Variants in HS6ST2 observed in about 807,000 individuals in gnomAD.
The protein encoded by HS6ST2 is heparan sulfate 6-O-sulfotransferase 2, also known as heparan-sulfate 6-O-sulfotransferase 2.
Under a neutral mutation model 33.0 loss-of-function variants are expected in HS6ST2, and 17 were observed. The ratio of observed to expected loss-of-function variants is 0.52; its 90% CI spans 0.35 to 0.77. The LOEUF is 0.77. Ranked by LOEUF, HS6ST2 falls within the 30% of genes least tolerant of loss-of-function variation. The probability of loss-of-function intolerance (pLI) is 0.01; values close to 1 mark genes in which losing one functional copy is unlikely to be tolerated. For missense variants in HS6ST2, 519 were observed against 551.7 expected, an observed-to-expected ratio of 0.94 and a Z score of 0.59; for synonymous variants, 248 against 237.1, an observed-to-expected ratio of 1.05 and a Z score of -0.42.
chrX:132,849,876 G>A (rs919696687), intron 2 of HS6ST2, among the ~76,000 whole-genome samples: 2 of 112,205 alleles, frequency 1.8e-5, no homozygotes, highest in Non-Finnish European at 3.8e-5. Context: ...ATAGAAGAGA[G>A]AGGTGCTTTC....
chrX:132,846,707 T>C (rs754911699), intron 2 of HS6ST2, among the ~76,000 whole-genome samples: 1 of 110,797 alleles, frequency 9.0e-6, no homozygotes, highest in Non-Finnish European at 1.9e-5. Flanking sequence ...CTTATGAGTG[T>C]AGATACTTTT....
chrX:132,838,902 G>A (rs1455160912), intron 2 of HS6ST2, among the ~76,000 whole-genome samples: 3 of 107,046 alleles, frequency 2.8e-5, no homozygotes, highest in Non-Finnish European at 5.8e-5. Context: ...TCAGAGAAAT[G>A]CAAATTAAAA....
chrX:132,705,695 G>A (rs1247460308), intron 3 of HS6ST2, among the ~76,000 whole-genome samples: 1 of 111,997 alleles, frequency 8.9e-6, no homozygotes, highest in Non-Finnish European at 1.9e-5. Context: ...CAACAGAGAT[G>A]AACTAAATTA....
intron 2 of HS6ST2, among the ~76,000 whole-genome samples, chrX:132,870,930 T>C (rs1183932345): frequency 9.1e-6 from 1 of 110,375 alleles, no homozygotes; most frequent in Non-Finnish European, 1.9e-5. Context: ...CTAATTAAAC[T>C]AAACAGCTGT....
At chrX:132,945,034 C>G (rs2066933636) in intron 2 of HS6ST2, among the ~76,000 whole-genome samples, 1 of 111,853 alleles carries the variant, frequency 8.9e-6, no homozygotes, top group Non-Finnish European at 1.9e-5. Context: ...AGCGTCTGCA[C>G]AGCAAAAGAA....
intron 2 of HS6ST2, among the ~76,000 whole-genome samples, chrX:132,791,440 T>C (rs2065119144): frequency 8.9e-6 from 1 of 112,200 alleles, no homozygotes; most frequent in Non-Finnish European, 1.9e-5. Context: ...TTCATAATTC[T>C]CATCGCAATA....
chrX:132,890,632 C>G (rs1265157659), intron 2 of HS6ST2, among the ~76,000 whole-genome samples: 1 of 110,056 alleles, frequency 9.1e-6, no homozygotes, highest in Non-Finnish European at 1.9e-5. Context: ...CTCCTGGTGA[C>G]TAATAATTAA....
At chrX:132,882,778 T>C (rs2066192822) in intron 2 of HS6ST2, among the ~76,000 whole-genome samples, 1 of 111,453 alleles carries the variant, frequency 9.0e-6, no homozygotes, top group African/African-American at 3.3e-5. Flanking sequence ...TAAATAGTTC[T>C]TATTATTTTG....
At chrX:132,849,240 C>A (rs2065779847) in intron 2 of HS6ST2, among the ~76,000 whole-genome samples, 1 of 110,926 alleles carries the variant, frequency 9.0e-6, no homozygotes, top group East Asian at 2.8e-4. Flanking sequence ...TCTCCAGTCC[C>A]CCCAATGGCA....
chrX:132,800,082 G>A (rs1026158553), intron 2 of HS6ST2, among the ~76,000 whole-genome samples: 1 of 111,974 alleles, frequency 8.9e-6, no homozygotes, highest in Non-Finnish European at 1.9e-5. Flanking sequence ...CCAACCCTCA[G>A]GCCATGGACC....
At chrX:132,820,181 A>C (rs1379090893) in intron 2 of HS6ST2, among the ~76,000 whole-genome samples, 1 of 101,320 alleles carries the variant, frequency 9.9e-6, no homozygotes, top group Non-Finnish European at 2.0e-5. Flanking sequence ...GAAGGCAAGC[A>C]GACTATGCCC....
At chrX:132,843,422 T>G (rs933386937) in intron 2 of HS6ST2, among the ~76,000 whole-genome samples, 6 of 111,796 alleles carry the variant, frequency 5.4e-5, no homozygotes, top group Non-Finnish European at 1.1e-4. Context: ...GTGTGTGTGT[T>G]TTTTTAAATT....
intron 4 of HS6ST2, among the ~76,000 whole-genome samples, chrX:132,632,381 G>A (rs1388618637): frequency 9.0e-6 from 1 of 111,578 alleles, no homozygotes; most frequent in African/African-American, 3.3e-5. Context: ...GTTGGAAGTA[G>A]GAAGGCAGGT....
intron 2 of HS6ST2, among the ~76,000 whole-genome samples, chrX:132,859,901 G>A (rs1344966505): frequency 1.2e-5 from 1 of 86,508 alleles, no homozygotes; most frequent in Non-Finnish European, 2.2e-5. Flanking sequence ...AATTGGGAGG[G>A]AAAAGAGAAA....
At chrX:132,690,113 G>A (rs2064051008) in intron 3 of HS6ST2, among the ~76,000 whole-genome samples, 1 of 112,207 alleles carries the variant, frequency 8.9e-6, no homozygotes, top group African/African-American at 3.2e-5. Context: ...TGAATGCATG[G>A]CTGTGTTCCA....
At chrX:132,911,888 C>T (rs1052509863) in intron 2 of HS6ST2, among the ~76,000 whole-genome samples, 20 of 111,623 alleles carry the variant, frequency 1.8e-4, no homozygotes, top group South Asian at 3.8e-4. Context: ...CTGCCTGTCT[C>T]GGCCTCCCAA....
At chrX:132,960,950 G>A (rs989817056), upstream of HS6ST2, among the ~76,000 whole-genome samples, 2 of 110,069 alleles carry the variant, frequency 1.8e-5, no homozygotes, top group African/African-American at 3.3e-5. Context: ...TTTTTCCTAC[G>A]TGTGTCCCAA....
At chrX:132,877,773 A>G (rs1450831865) in intron 2 of HS6ST2, among the ~76,000 whole-genome samples, 1 of 111,020 alleles carries the variant, frequency 9.0e-6, no homozygotes, top group Non-Finnish European at 1.9e-5. Flanking sequence ...ATTGAACCCT[A>G]CAATAAGCTA....
rs1314399383 is a variant in HS6ST2 at position 132,830,339 on chromosome X, C to G, written c.948-121845G>C. Among the ~76,000 whole-genome samples the G allele has an allele frequency of 2.7e-5, 3 of 111,284 alleles. No individual in the cohort carries two copies. In the East Asian group the frequency reaches 8.5e-4, roughly 32 times the overall value. The stretch of plus-strand genomic sequence containing the variant: ...GCCTTTGGATTGGATCATACAGGGC[C>G]CACTAGGATGGACATGGGACCAGGT... On this transcript the variant is annotated intron_variant, in intron 2 of 4. Transcript: ENST00000370833.
Sources: allele counts gnomAD v4.1 joint callset (sites outside exome capture counted in the v4.1 genomes callset), GRCh38; gene constraint gnomAD v4.1.1; transcripts MANE v1.5; gene names NCBI Gene and HGNC (gene_info 2026-07-23, HGNC 2026-07-21).